PRKN: variants seen among roughly 807,000 people sequenced by gnomAD.
PRKN encodes parkin RBR E3 ubiquitin protein ligase.
PRKN carries 56 observed loss-of-function variants against 59.5 expected under a neutral mutation model. That is an observed-to-expected ratio of 0.94 (90% CI 0.76 to 1.18). The LOEUF (loss-of-function observed/expected upper bound fraction) is 1.18. Among genes scored for constraint, PRKN ranks in the 50% most tolerant of loss-of-function variants. PRKN has a pLI of 0.00. For missense variants in PRKN, 657 were observed against 596.4 expected (o/e 1.10, Z -1.06); for synonymous variants, 250 against 222.1 (o/e 1.13, Z -1.12).
At chr6:161,649,005 C>T (rs933540545) in intron 7 of PRKN, among the ~76,000 whole-genome samples, 6 of 152,170 alleles carry the variant, frequency 3.9e-5, no homozygotes, top group South Asian at 2.1e-4. Flanking sequence ...ACTATATTAG[C>T]CATCTGTGAG....
intron 2 of PRKN, among the ~76,000 whole-genome samples, chr6:162,432,968 T>C (rs1789608558): frequency 6.6e-6 from 1 of 152,194 alleles, no homozygotes; most frequent in Admixed American, 6.5e-5. Flanking sequence ...AAGATAACTG[T>C]TTAGACTTAA....
chr6:162,402,208 C>T (rs1787829923), intron 2 of PRKN, among the ~76,000 whole-genome samples: 1 of 150,284 alleles, frequency 6.7e-6, no homozygotes, highest in East Asian at 2.0e-4. Flanking sequence ...GAGATTGCAC[C>T]ACTGCACTCC....
chr6:161,765,870 C>T lies in PRKN; in HGVS notation c.871+19902G>A, dbSNP rs117894110. ...GAAAGTAAACAGTCTCTAACTGAAA[C>T]GAGCATGTTCAAATTAAAATAGGGA... On this transcript the variant is annotated intron_variant, in intron 7 of 11. Transcript: ENST00000366898. Among the ~76,000 whole-genome samples the T allele has an allele frequency of 2.2e-3, 334 of 152,192 alleles. 7 individuals are homozygous for T. The East Asian group carries it at 0.048, about 22-fold the overall frequency.
chr6:162,617,386 C>G lies in PRKN; in HGVS notation c.7+110276G>C, dbSNP rs556274072. ...AGCTGGGATTACAGGCACCTGCCAG[C>G]ACACCTGGCTAATTTTTGTATTTTT... is the stretch of plus-strand genomic sequence containing the variant. On this transcript the variant is annotated intron_variant, in intron 1 of 11. Transcript: ENST00000366898. 2.0e-4 allele frequency among the ~76,000 whole-genome samples: 30 copies of G among 152,240 alleles called. 1 individual carries two copies. In the South Asian group the frequency reaches 6.0e-3, roughly 30 times the overall value.
intron 9 of PRKN, among the ~76,000 whole-genome samples, chr6:161,482,519 A>G (rs1486132096): frequency 1.3e-5 from 2 of 152,256 alleles, no homozygotes; most frequent in African/African-American, 4.8e-5. Flanking sequence ...TTAGCTAGTT[A>G]GTTTGAGAAC....
chr6:162,222,411 G>C (rs755633410), intron 3 of PRKN, among the ~76,000 whole-genome samples: 1 of 152,142 alleles, frequency 6.6e-6, no homozygotes, highest in African/African-American at 2.4e-5. Flanking sequence ...TAGAGCTTCC[G>C]ACCGCTTTGA....
At chr6:162,287,305 G>A (rs114008454) in intron 2 of PRKN, among the ~76,000 whole-genome samples, 3,489 of 152,210 alleles carry the variant, frequency 0.023, 130 homozygotes, top group African/African-American at 0.08. Context: ...GGGGGTTCTC[G>A]CCTGTAATCC....
intron 6 of PRKN, among the ~76,000 whole-genome samples, chr6:161,894,128 T>G (rs143830720): frequency 6.6e-6 from 1 of 152,200 alleles, no homozygotes; most frequent in Non-Finnish European, 1.5e-5. Context: ...GAGACTTTTC[T>G]GACACTACTC....
chr6:162,683,199 A>G (rs1779838279), intron 1 of PRKN, among the ~76,000 whole-genome samples: 1 of 152,306 alleles, frequency 6.6e-6, no homozygotes, highest in Admixed American at 6.5e-5. Flanking sequence ...TTCTAGGCCT[A>G]TGCTGTCCAA....
At chr6:161,515,235 C>T (rs560856094) in intron 9 of PRKN, among the ~76,000 whole-genome samples, 41 of 152,136 alleles carry the variant, frequency 2.7e-4, no homozygotes, top group Non-Finnish European at 1.9e-4. Flanking sequence ...CAACTGTTTT[C>T]CCCCTTCCTG....
intron 1 of PRKN, among the ~76,000 whole-genome samples, chr6:162,665,331 A>G (rs1264443364): frequency 6.6e-6 from 1 of 152,152 alleles, no homozygotes; most frequent in Non-Finnish European, 1.5e-5. Context: ...TAACTTCAGC[A>G]AAGTCTCAGG....
chr6:161,436,411 T>C (rs890362892), intron 9 of PRKN, among the ~76,000 whole-genome samples: 1 of 145,786 alleles, frequency 6.9e-6, no homozygotes, highest in East Asian at 2.0e-4. Flanking sequence ...CATAGAGACA[T>C]GAAGTTCTAG....
At chr6:161,794,867 G>C (rs1380557836) in intron 6 of PRKN, among the ~76,000 whole-genome samples, 1 of 152,106 alleles carries the variant, frequency 6.6e-6, no homozygotes, top group Non-Finnish European at 1.5e-5. Flanking sequence ...CATTTAGAAA[G>C]TATTGCTTTT....
At chr6:162,061,670 G>A (rs1280195214) in intron 4 of PRKN, among the ~76,000 whole-genome samples, 1 of 152,106 alleles carries the variant, frequency 6.6e-6, no homozygotes, top group Non-Finnish European at 1.5e-5. Context: ...CGTGGTTAGA[G>A]CAGCAGCATA....
intron 6 of PRKN, among the ~76,000 whole-genome samples, chr6:161,957,560 G>T (rs1246771634): frequency 6.6e-6 from 1 of 151,954 alleles, no homozygotes; most frequent in Non-Finnish European, 1.5e-5. Context: ...TAGTAGCTGG[G>T]ATTACAAGTG....
At chr6:162,346,553 C>T (rs556711129) in intron 2 of PRKN, among the ~76,000 whole-genome samples, 5 of 151,966 alleles carry the variant, frequency 3.3e-5, no homozygotes, top group South Asian at 2.1e-4. Context: ...CCCAGGAGGC[C>T]GAGGCTGCAG....
intron 9 of PRKN, among the ~76,000 whole-genome samples, chr6:161,531,058 G>A (rs967912551): frequency 1.3e-5 from 2 of 152,166 alleles, no homozygotes; most frequent in African/African-American, 2.4e-5. Flanking sequence ...TGCAAGTTCC[G>A]TAAGTTCCAT....
At chr6:161,739,645 C>T (rs1286788098) in intron 7 of PRKN, among the ~76,000 whole-genome samples, 3 of 152,152 alleles carry the variant, frequency 2.0e-5, no homozygotes, top group Non-Finnish European at 4.4e-5. Flanking sequence ...AGATGTTTGC[C>T]AAATAAACCG....
intron 4 of PRKN, among the ~76,000 whole-genome samples, chr6:162,179,252 C>T (rs140465922): frequency 7.0e-4 from 106 of 152,292 alleles, no homozygotes; most frequent in African/African-American, 2.6e-3. Context: ...TCTATTTGAG[C>T]CTATATTTCT....
Sources: allele counts gnomAD v4.1 joint callset (sites outside exome capture counted in the v4.1 genomes callset), GRCh38; gene constraint gnomAD v4.1.1; transcripts MANE v1.5; gene names NCBI Gene and HGNC (gene_info 2026-07-23, HGNC 2026-07-21).